The following SHISA9 variants were observed in gnomAD, a reference collection of about 807,000 sequenced individuals.
The protein encoded by SHISA9 is shisa family member 9.
A neutral mutation model predicts 38.0 loss-of-function variants in SHISA9; 13 were observed. The ratio of observed to expected loss-of-function variants is 0.34; its 90% CI spans 0.22 to 0.54. The LOEUF is 0.54. Among genes scored for constraint, SHISA9 ranks in the 20% least tolerant of loss-of-function variants. The probability of loss-of-function intolerance (pLI) is 0.91; values close to 1 mark genes in which losing one functional copy is unlikely to be tolerated. For synonymous variants in SHISA9, 275 were observed against 242.0 expected (o/e 1.14, Z -1.27); for missense variants, 538 against 575.8 (o/e 0.93, Z 0.67).
intron 2 of SHISA9, among the ~76,000 whole-genome samples, chr16:13,043,708 C>T (rs2073157604): frequency 6.6e-6 from 1 of 152,184 alleles, no homozygotes; most frequent in African/African-American, 2.4e-5. Context: ...CAGAGCCATG[C>T]ACTTTACACT....
Position 12,901,986 on chromosome 16 carries a change from C to T in SHISA9, c.-79C>T. The T allele has an allele frequency of 8.1e-7, 1 of 1,232,638 alleles. No individual in the cohort carries two copies. The highest frequency in any genetic ancestry group is 1.0e-6 in the Non-Finnish European group (1 of 963,464). The allele number at this position is 1,232,638 out of a possible 1,614,324, so 76.4% of individuals were successfully genotyped here. A position where few individuals can be genotyped will look rare whatever the true frequency, so the allele number is the denominator to read the frequency against. The stretch of plus-strand genomic sequence containing the variant: ...TCGCAGCTCCCGGCAGCAGCCTCGG[C>T]AGCTTCGGCCGCGCCTCGAGAGGCG... On this transcript the variant is annotated 5_prime_UTR_variant, in exon 1 of 5. Transcript: ENST00000558583.
At chr16:13,398,756 C>T in the SHISA9 span, among the ~76,000 whole-genome samples, 1 of 152,122 alleles carries the variant, frequency 6.6e-6, no homozygotes, top group African/African-American at 2.4e-5. Flanking sequence ...AGGTGATCCA[C>T]ACGCCTTTGC....
At chr16:12,937,248 C>A (rs1158864129) in intron 2 of SHISA9, among the ~76,000 whole-genome samples, 3 of 152,172 alleles carry the variant, frequency 2.0e-5, no homozygotes, top group African/African-American at 7.2e-5. Flanking sequence ...ACGTATTTAT[C>A]TATTTGAATA....
the SHISA9 span, among the ~76,000 whole-genome samples, chr16:13,517,143 C>G: frequency 1.3e-5 from 2 of 152,188 alleles, no homozygotes; most frequent in South Asian, 4.2e-4. Flanking sequence ...TGCAGAGACA[C>G]ACATAGAGAA....
At chr16:12,975,772 G>A (rs973722040) in intron 2 of SHISA9, among the ~76,000 whole-genome samples, 4 of 151,862 alleles carry the variant, frequency 2.6e-5, no homozygotes, top group African/African-American at 9.7e-5. Context: ...AGGGAAGATG[G>A]CCCAGATATT....
chr16:13,445,513 T>C, the SHISA9 span, among the ~76,000 whole-genome samples: 1 of 152,204 alleles, frequency 6.6e-6, no homozygotes, highest in African/African-American at 2.4e-5. Context: ...GCTTAAATAT[T>C]AGTGATAGTG....
At chr16:12,915,856 T>C (rs1044113500) in intron 1 of SHISA9, among the ~76,000 whole-genome samples, 26 of 152,142 alleles carry the variant, frequency 1.7e-4, no homozygotes, top group Non-Finnish European at 4.4e-5. Context: ...ATATATATCT[T>C]TCAAGGATAT....
intron 2 of SHISA9, among the ~76,000 whole-genome samples, chr16:12,925,574 G>T (rs1375825624): frequency 1.3e-5 from 2 of 152,096 alleles, no homozygotes; most frequent in Non-Finnish European, 2.9e-5. Context: ...TGGCCACATG[G>T]CATAGCCTAA....
chr16:13,457,667 G>A, the SHISA9 span, among the ~76,000 whole-genome samples: 2 of 151,718 alleles, frequency 1.3e-5, no homozygotes, highest in African/African-American at 2.4e-5. Flanking sequence ...CCATCCGTAA[G>A]ATTAATCCCA....
the SHISA9 span, among the ~76,000 whole-genome samples, chr16:13,363,700 G>C: frequency 3.3e-5 from 5 of 152,198 alleles, no homozygotes; most frequent in African/African-American, 1.2e-4. Context: ...AGCCTTTTCT[G>C]TATCATCTGT....
At chr16:13,553,517 C>T in the SHISA9 span, among the ~76,000 whole-genome samples, 1 of 152,138 alleles carries the variant, frequency 6.6e-6, no homozygotes, top group Non-Finnish European at 1.5e-5. Context: ...GTCCATGTGA[C>T]TTAAAGCCTA....
the SHISA9 span, among the ~76,000 whole-genome samples, chr16:13,367,434 A>G: frequency 6.6e-6 from 1 of 151,504 alleles, no homozygotes; most frequent in South Asian, 2.1e-4. Context: ...CACAGTGAAA[A>G]GACGGAAATA....
At chr16:13,288,846 C>G in the SHISA9 span, among the ~76,000 whole-genome samples, 3 of 152,170 alleles carry the variant, frequency 2.0e-5, no homozygotes, top group Non-Finnish European at 4.4e-5. Context: ...TATAAGTCCA[C>G]AATCCTGTTG....
intron 2 of SHISA9, among the ~76,000 whole-genome samples, chr16:12,970,372 T>C (rs12922821): frequency 0.082 from 5,758 of 70,306 alleles, 266 homozygotes; most frequent in Non-Finnish European, 0.11. Context: ...TATATATACA[T>C]ATATATATAC....
chr16:13,414,825 G>A, the SHISA9 span, among the ~76,000 whole-genome samples: 29 of 151,944 alleles, frequency 1.9e-4, no homozygotes, highest in Admixed American at 5.9e-4. Context: ...TAGAGACAGG[G>A]TTTCACCATG....
At chr16:13,229,512 C>T (rs1016822364) in intron 4 of SHISA9, among the ~76,000 whole-genome samples, 1 of 152,158 alleles carries the variant, frequency 6.6e-6, no homozygotes, top group Non-Finnish European at 1.5e-5. Flanking sequence ...GTTCTCAACC[C>T]TGGCTGCATA....
chr16:13,000,314 C>T (rs891087004), intron 2 of SHISA9, among the ~76,000 whole-genome samples: 6 of 151,768 alleles, frequency 4.0e-5, no homozygotes, highest in African/African-American at 1.2e-4. Flanking sequence ...AAGGGAGCTG[C>T]CCTTGGGAGA....
At chr16:13,427,979 A>G in the SHISA9 span, among the ~76,000 whole-genome samples, 2 of 152,204 alleles carry the variant, frequency 1.3e-5, no homozygotes, top group Non-Finnish European at 2.9e-5. Flanking sequence ...AGTGTATATG[A>G]GGTTTAGAGT....
chr16:13,158,504 C>A (rs774363977), intron 2 of SHISA9, among the ~76,000 whole-genome samples: 1 of 152,214 alleles, frequency 6.6e-6, no homozygotes, highest in Admixed American at 6.5e-5. Context: ...GCCCACAGTG[C>A]GCACTGGATA....
Sources: allele counts gnomAD v4.1 joint callset (sites outside exome capture counted in the v4.1 genomes callset), GRCh38; gene constraint gnomAD v4.1.1; transcripts MANE v1.5; gene names NCBI Gene and HGNC (gene_info 2026-07-23, HGNC 2026-07-21).